The following NFIC variants were observed in gnomAD, a reference collection of about 807,000 sequenced individuals.
NFIC encodes nuclear factor 1 C-type.
Under a neutral mutation model 54.4 loss-of-function variants are expected in NFIC, and 12 were observed. The ratio of observed to expected loss-of-function variants is 0.22; its 90% confidence interval spans 0.14 to 0.36. The LOEUF is 0.36. Among genes scored for constraint, NFIC ranks in the 10% least tolerant of loss-of-function variants. The pLI is 1.00. For missense variants in NFIC, 575 were observed against 718.2 expected, an observed-to-expected ratio of 0.80 and a Z score of 2.28; for synonymous variants, 322 against 319.2, an observed-to-expected ratio of 1.01 and a Z score of -0.09.
chr19:3,453,676 G>A lies in NFIC; in HGVS notation c.1270-87G>A, dbSNP rs946508330. 17 of 1,491,622 alleles carry A rather than the reference G, an allele frequency of 1.1e-5. No individual in the cohort carries two copies. The highest frequency in any genetic ancestry group is 5.5e-5 in the Admixed American group (2 of 36,256). 92.4% of individuals were successfully genotyped at this position (1,491,622 alleles called of 1,614,324 possible). On this transcript the variant is annotated intron_variant, in intron 8 of 10. Coordinates refer to ENST00000443272, the MANE Select transcript of NFIC (RefSeq NM_001245002.2). This position sits in a 1 kb window ranked among gnomAD's most constrained non-coding sequence, Gnocchi z 6.7. Reference sequence around the variant, plus strand: ...CCCAGCCTGCCACCCCGTCCGGGCCGTGCACAGAGCCGGGGGCGGCCGGCG... The same window carrying A: ...CCCAGCCTGCCACCCCGTCCGGGCCATGCACAGAGCCGGGGGCGGCCGGCG...
upstream of NFIC, chr19:3,359,643 G>C: frequency 3.0e-6 from 4 of 1,353,664 alleles, no homozygotes; most frequent in South Asian, 3.5e-5. Context: ...GACCGAGCGC[G>C]CTCGCTCCGG....
At chr19:3,432,567 A>G (rs1295113101) in intron 3 of NFIC, among the ~76,000 whole-genome samples, 3 of 152,038 alleles carry the variant, frequency 2.0e-5, no homozygotes, top group African/African-American at 7.2e-5. Context: ...CACTTTTGCA[A>G]TTAGGGAAAC....
chr19:3,436,480 A>T (rs2082206216), intron 6 of NFIC, among the ~76,000 whole-genome samples: 2 of 124,916 alleles, frequency 1.6e-5, no homozygotes, highest in South Asian at 2.5e-4. Context: ...ATTTTTTTTT[A>T]ATTTTTGTTT....
intron 1 of NFIC, chr19:3,371,575 A>G (rs1217816452): frequency 6.6e-6 from 1 of 152,154 alleles, no homozygotes; most frequent in African/African-American, 2.4e-5. Context: ...CTCCGCCAAC[A>G]TAAAATAAAA....
At position 3,366,594 on chromosome 19, in the gene NFIC, C is replaced by T. The variant is rs753189239; in HGVS notation, c.-43C>T. On this transcript the variant is annotated 5_prime_UTR_variant, in exon 1 of 11. Transcript: ENST00000443272. Reference sequence around the variant, plus strand: ...TGGAAAAATGACTCAGTAAGTTCAGCGCGCCCGCTCCGGCCGGCCCTGCGC... The same window carrying T: ...TGGAAAAATGACTCAGTAAGTTCAGTGCGCCCGCTCCGGCCGGCCCTGCGC... The T allele has an allele frequency of 7.5e-6, 10 of 1,325,772 alleles. No homozygotes were observed. The highest frequency in any genetic ancestry group is 9.2e-6 in the Non-Finnish European group (9 of 977,796). 82.1% of individuals were successfully genotyped at this position (1,325,772 alleles called of 1,614,324 possible). A position where few individuals can be genotyped will look rare whatever the true frequency, so the allele number is the denominator to read the frequency against.
rs1356734820 is a variant in NFIC, at chr19:3,369,680, G to A, written c.30+3014G>A. ...TTACTCTTAAGAGGAACTGTGTGGA[G>A]CCCATGGCTCCCATAAATCCTGCCG... On this transcript the variant is annotated intron_variant, in intron 1 of 10. Transcript: ENST00000443272. The surrounding 1 kb of genome is among the most constrained non-coding windows in gnomAD (Gnocchi z 4.3). Among the ~76,000 whole-genome samples, 1 of 151,390 alleles carries A rather than the reference G, an allele frequency of 6.6e-6. No homozygotes were observed. The highest frequency in any genetic ancestry group is 1.5e-5 in the Non-Finnish European group (1 of 67,814).
At position 3,469,072 on chromosome 19, in the gene NFIC, ATTAT is replaced by A. The variant is rs1427845171; in HGVS notation, c.*6306_*6309del. 3 of 151,614 alleles carry A rather than the reference ATTAT, an allele frequency of 2.0e-5. No homozygotes were observed. The highest frequency in any genetic ancestry group is 4.4e-5 in the Non-Finnish European group (3 of 67,994). 9.4% of individuals were successfully genotyped at this position (151,614 alleles called of 1,614,324 possible). ...TTTACAGAAAGTGACTCTGGCTGTC[ATTAT>A]TTTGTTTATTTGTTCCCTATGCAAA... On this transcript the variant is annotated 3_prime_UTR_variant, in exon 11 of 11. Transcript: ENST00000443272.
intron 2 of NFIC, among the ~76,000 whole-genome samples, chr19:3,422,293 C>T (rs1293538965): frequency 6.6e-6 from 1 of 151,388 alleles, no homozygotes; most frequent in African/African-American, 2.4e-5. Context: ...TGGCTGGTCT[C>T]GAACTCCTGG....
intron 2 of NFIC, among the ~76,000 whole-genome samples, chr19:3,416,354 A>G (rs184754303): frequency 8.0e-5 from 12 of 149,752 alleles, no homozygotes; most frequent in Non-Finnish European, 1.5e-5. Flanking sequence ...AAGTATAACT[A>G]TATGTCATAT....
rs757507471 is a variant in NFIC, at chr19:3,433,589, C to T, written c.706C>T (p.Arg236Trp). The T allele has an allele frequency of 1.9e-5, 30 of 1,613,746 alleles. No individual in the cohort carries two copies. Among genetic ancestry groups the T allele is most frequent in the Non-Finnish European group, 2.5e-5 (29 of 1,179,744 alleles). The change falls in exon 4 of 11, where the codon CGG becomes TGG. Residue 236 changes from arginine to tryptophan, a missense_variant. Arg to Trp is a moderately radical substitution (Grantham distance 101). Coordinates refer to ENST00000443272, the MANE Select transcript of NFIC (RefSeq NM_001245002.2). ...FSVTELIQVS[R>W]TPVVTGTGPN... Reference sequence around the variant, plus strand: ...CGTCACTGAGCTCATCCAAGTGTCCCGGAGTGAGTGTTCCCGTCAGCCCTG... The same window carrying T: ...CGTCACTGAGCTCATCCAAGTGTCCTGGAGTGAGTGTTCCCGTCAGCCCTG...
chr19:3,462,819 G>A lies in NFIC; in HGVS notation c.*50G>A. ...TCTCCATCGTCCCAGGAATCCCAGG[G>A]GGCAGCACAGCCGGCCCCCGGCCCA... On this transcript the variant is annotated 3_prime_UTR_variant, in exon 11 of 11. Transcript: ENST00000443272. The A allele has an allele frequency of 6.2e-7, 1 of 1,613,256 alleles. No individual in the cohort carries two copies. Among genetic ancestry groups the A allele is most frequent in the Non-Finnish European group, 8.5e-7 (1 of 1,179,798 alleles).
chr19:3,382,512 A>G (rs1244545760), intron 2 of NFIC, among the ~76,000 whole-genome samples: 1 of 151,760 alleles, frequency 6.6e-6, no homozygotes, highest in South Asian at 2.1e-4. Flanking sequence ...ATATGGCACA[A>G]GGAGAGTCTG....
At chr19:3,434,982 G>A in intron 5 of NFIC, 101 bp from the exon 6 acceptor site, 1 of 1,393,592 alleles carries the variant, frequency 7.2e-7, no homozygotes, top group South Asian at 1.5e-5. Context: ...TACCTCCCTC[G>A]CCCCCGCTCA....
intron 3 of NFIC, 103 bp from the exon 4 acceptor site, chr19:3,433,415 G>A (rs1394756307): frequency 1.1e-5 from 14 of 1,232,160 alleles, no homozygotes; most frequent in Admixed American, 9.0e-5. Context: ...CAGGGGGAAC[G>A]TCCAGGCTCG....
intron 2 of NFIC, among the ~76,000 whole-genome samples, chr19:3,400,715 G>A (rs538551443): frequency 4.6e-5 from 7 of 152,076 alleles, no homozygotes; most frequent in South Asian, 2.1e-4. Flanking sequence ...AGCGGTATGC[G>A]CCTGTAATCC....
chr19:3,427,214 C>A (rs1373512941), intron 3 of NFIC, among the ~76,000 whole-genome samples: 1 of 152,068 alleles, frequency 6.6e-6, no homozygotes, highest in African/African-American at 2.4e-5. Flanking sequence ...GCATGAGCCA[C>A]CGCGCCCAGC....
At chr19:3,362,004 C>T (rs1476451279), upstream of NFIC, among the ~76,000 whole-genome samples, 2 of 152,204 alleles carry the variant, frequency 1.3e-5, no homozygotes, top group Non-Finnish European at 2.9e-5. Context: ...GACACACTCA[C>T]GGACACAAAC....
chr19:3,460,568 C>T (rs2082624225), intron 10 of NFIC, among the ~76,000 whole-genome samples: 1 of 152,154 alleles, frequency 6.6e-6, no homozygotes, highest in African/African-American at 2.4e-5. Context: ...GGCTGGAGTG[C>T]AATGGCACGA....
intron 9 of NFIC, among the ~76,000 whole-genome samples, chr19:3,455,680 T>C (rs1343037007): frequency 6.6e-6 from 1 of 151,546 alleles, no homozygotes; most frequent in Non-Finnish European, 1.5e-5. Context: ...TGCAGGATGC[T>C]GCTTAGGATC....
Sources: gnomAD v4.1 joint callset for allele counts (sites outside exome capture counted in the v4.1 genomes callset) on GRCh38, gnomAD v4.1.1 for gene constraint, Gnocchi (gnomAD v3.1) non-coding constraint, MANE v1.5 for transcripts, NCBI Gene and HGNC (gene_info 2026-07-23, HGNC 2026-07-21) for gene names.